Variants in SESN2 observed in about 807,000 individuals in gnomAD.
SESN2 encodes sestrin 2.
In SESN2, 42 loss-of-function variants were observed where a neutral mutation model predicts 56.0. The observed-to-expected ratio is 0.75, with a 90% confidence interval of 0.59 to 0.97. The LOEUF (loss-of-function observed/expected upper bound fraction) is 0.97, where lower values mean the gene tolerates loss of function less well. SESN2 is among the 50% of genes least tolerant of loss of function. The probability of loss-of-function intolerance (pLI) is 0.00; values close to 1 mark genes in which losing one functional copy is unlikely to be tolerated. For missense variants in SESN2, 507 were observed against 649.4 expected (o/e 0.78, Z 2.38); for synonymous variants, 264 against 267.1 (o/e 0.99, Z 0.11).
Position 28,272,943 on chromosome 1 carries a change from C to G in SESN2, c.750+150C>G, listed in dbSNP as rs988964603. On this transcript the variant is annotated intron_variant, in intron 5 of 9. Transcript: ENST00000253063. Reference sequence around the variant, plus strand: ...TTATTTGACTTTGAAGCTTAGTTTCCTCATCTGTGAAATGGGGAGATAAAG... The same window carrying G: ...TTATTTGACTTTGAAGCTTAGTTTCGTCATCTGTGAAATGGGGAGATAAAG... 287 of 604,522 alleles carry G rather than the reference C, an allele frequency of 4.7e-4. 1 individual carries two copies. The highest frequency in any genetic ancestry group is 8.2e-5 in the Non-Finnish European group (28 of 341,174). The allele number at this position is 604,522 out of a possible 1,614,324, so 37.4% of individuals were successfully genotyped here. A position where few individuals can be genotyped will look rare whatever the true frequency, so the allele number is the denominator to read the frequency against.
At position 28,280,825 on chromosome 1, in the gene SESN2, G is replaced by A. The variant is rs375396916; in HGVS notation, c.*23G>A. The A allele has an allele frequency of 1.1e-5, 18 of 1,581,932 alleles. No individual in the cohort carries two copies. In the African/African-American group the frequency reaches 1.2e-4, roughly 11 times the overall value. ...TGACTCCTGAGCAGGACCTGGGCCC[G>A]GTTCAGCTCCCCACAAGGACTTCTC... On this transcript the variant is annotated 3_prime_UTR_variant, in exon 10 of 10. Coordinates refer to ENST00000253063, the MANE Select transcript of SESN2 (RefSeq NM_031459.5).
intron 3 of SESN2, 150 bp from the exon 4 acceptor site, chr1:28,272,134 G>A: frequency 2.4e-6 from 2 of 833,852 alleles, no homozygotes; most frequent in South Asian, 3.4e-5. Flanking sequence ...TGGCCTGCAA[G>A]CTGGTGGCAG....
chr1:28,271,953 G>A, intron 3 of SESN2, 82 bp downstream of exon 3: 2 of 1,331,014 alleles, frequency 1.5e-6, no homozygotes, highest in Non-Finnish European at 2.1e-6. Flanking sequence ...GGAGCTTTGT[G>A]AGCTGATTCC....
At chr1:28,273,964 T>G in intron 6 of SESN2, 76 bp from the exon 7 acceptor site, 3 of 968,846 alleles carry the variant, frequency 3.1e-6, no homozygotes, top group Admixed American at 1.8e-5. Flanking sequence ...CCCCTCCCCC[T>G]TTTGGTGATT....
At chr1:28,265,467 C>T (rs1647524281) in intron 1 of SESN2, among the ~76,000 whole-genome samples, 1 of 152,136 alleles carries the variant, frequency 6.6e-6, no homozygotes, top group Non-Finnish European at 1.5e-5. Context: ...GATCTCAGCT[C>T]ACCACAACCT....
chr1:28,275,468 C>T (rs550945542), intron 8 of SESN2, among the ~76,000 whole-genome samples: 2 of 152,194 alleles, frequency 1.3e-5, no homozygotes, highest in East Asian at 3.9e-4. Context: ...TTAAAAATTA[C>T]AATAGGCTGG....
At chr1:28,278,971 T>G in intron 8 of SESN2, 126 bp from the exon 9 acceptor site, 1 of 896,964 alleles carries the variant, frequency 1.1e-6, no homozygotes, top group Non-Finnish European at 1.8e-6. Flanking sequence ...GAACTAGGCT[T>G]CTTGTTGCTT....
intron 7 of SESN2, 71 bp from the exon 8 acceptor site, chr1:28,274,754 C>G (rs1341192609): frequency 8.2e-7 from 1 of 1,219,360 alleles, no homozygotes; most frequent in African/African-American, 1.5e-5. Context: ...GATCCCAGGT[C>G]CAGAGGATGG....
Position 28,266,213 on chromosome 1 carries a change from C to T in SESN2, c.91-2970C>T, listed in dbSNP as rs148820262. ...CCTCACCCTGGCTGTTATGCTGGGGCCCCACCCCAGATAACTAAATTAGAA... is the reference window on the plus strand; with the variant it reads ...CCTCACCCTGGCTGTTATGCTGGGGTCCCACCCCAGATAACTAAATTAGAA... On this transcript the variant is annotated intron_variant, in intron 1 of 9. Coordinates refer to ENST00000253063, the MANE Select transcript of SESN2 (RefSeq NM_031459.5). Among the ~76,000 whole-genome samples the T allele has an allele frequency of 2.0e-5, 3 of 152,268 alleles. No homozygotes were observed. In the East Asian group the frequency reaches 5.8e-4, roughly 29 times the overall value.
At chr1:28,271,019 TAA>T (rs910605333) in intron 2 of SESN2, among the ~76,000 whole-genome samples, 1 of 149,780 alleles carries the variant, frequency 6.7e-6, no homozygotes, top group Non-Finnish European at 1.5e-5. Context: ...CCGTCTGTAT[TAA>T]AAAAAAAAGT....
In SESN2 at chr1:28,274,998, C is replaced by T. The variant is rs1394979500; in HGVS notation, c.1194C>T (p.His398=). 4 of 1,613,420 alleles carry T rather than the reference C, an allele frequency of 2.5e-6. No individual in the cohort carries two copies. In the African/African-American group the frequency reaches 4.0e-5, roughly 16 times the overall value. ...GCAGGGCCATCTGGAACTATATCCA[C>T]TGCGTCTTTGGCATCAGGTGAGCTC... The part of the protein sequence containing the change: ...VLRRAIWNYI[H]CVFGIRYDDY... Residue 398 remains histidine (H), a synonymous_variant, in exon 8 of 10, where the codon CAC becomes CAT. Transcript: ENST00000253063.
chr1:28,279,599 G>C (rs1227826171), intron 9 of SESN2, among the ~76,000 whole-genome samples: 12 of 151,728 alleles, frequency 7.9e-5, no homozygotes, highest in Admixed American at 4.6e-4. Flanking sequence ...AGGCTGGAGT[G>C]CAGTGGCACG....
chr1:28,273,314 T>G, intron 5 of SESN2, 44 bp from the exon 6 acceptor site: 1 of 1,511,322 alleles, frequency 6.6e-7, no homozygotes, highest in Non-Finnish European at 8.9e-7. Context: ...TCCCAGAGGC[T>G]GAAGGAGGAG....
At chr1:28,280,619 A>G (rs542158941) in intron 9 of SESN2, 97 bp from the exon 10 acceptor site, 4 of 904,872 alleles carry the variant, frequency 4.4e-6, no homozygotes, top group East Asian at 2.4e-5. Flanking sequence ...AGGAAAGGAA[A>G]TGGTGAGGTA....
At chr1:28,260,564 G>A (rs927907579) in intron 1 of SESN2, among the ~76,000 whole-genome samples, 2 of 152,320 alleles carry the variant, frequency 1.3e-5, no homozygotes, top group African/African-American at 4.8e-5. Flanking sequence ...AGCCAAAGCT[G>A]GGGGGAGAGG....
chr1:28,264,010 A>G (rs1379230784), intron 1 of SESN2, among the ~76,000 whole-genome samples: 1 of 148,818 alleles, frequency 6.7e-6, no homozygotes, highest in East Asian at 2.0e-4. Context: ...AGATCGCTTG[A>G]GCCCAGGAGT....
rs775762769 is a variant in SESN2 at position 28,259,858 on chromosome 1, C to A, written c.11C>A (p.Ala4Glu). 3.2e-5 allele frequency: 45 copies of A among 1,399,534 alleles called. No homozygotes were observed. The South Asian group carries it at 6.6e-4, about 21-fold the overall frequency. 86.7% of individuals were successfully genotyped at this position (1,399,534 alleles called of 1,614,324 possible). MIV[A>E]DSECRAELKD... is the part of the protein sequence containing the mutation. ...GTCCTGGCGCGCACCATGATCGTGG[C>A]GGACTCCGAGTGCCGCGCAGAGCTC... Residue 4 changes from alanine to glutamate, a missense_variant, in exon 1 of 10, where the codon GCG (alanine) becomes GAG (glutamate). By Grantham distance (107) the Ala-to-Glu change is moderately radical. Transcript: ENST00000253063.
chr1:28,277,495 C>T (rs1292260559), intron 8 of SESN2, among the ~76,000 whole-genome samples: 2 of 152,146 alleles, frequency 1.3e-5, no homozygotes, highest in Admixed American at 1.3e-4. Flanking sequence ...GGATTATAGG[C>T]GGGAGCCACC....
rs143933851 is a variant in SESN2 at position 28,279,209 on chromosome 1, C to G, written c.1324C>G (p.Leu442Val). 3.1e-5 allele frequency: 50 copies of G among 1,614,066 alleles called. No homozygotes were observed. Among genetic ancestry groups the G allele is most frequent in the Non-Finnish European group, 4.2e-5 (50 of 1,180,040 alleles). ...PEKTTRRMYN[L>V]FWRHFRHSEK... ...GAAGACCACCCGAAGAATGTACAAC[C>G]TCTTCTGGAGGCACTTCCGCCACTC... Residue 442 changes from leucine to valine, a missense_variant, in exon 9 of 10, where the codon CTC becomes GTC. Transcript: ENST00000253063.
Sources: allele counts gnomAD v4.1 joint callset (sites outside exome capture counted in the v4.1 genomes callset), GRCh38; gene constraint gnomAD v4.1.1; transcripts MANE v1.5; gene names NCBI Gene and HGNC (gene_info 2026-07-23, HGNC 2026-07-21).